Variants in SOX5 observed in about 807,000 individuals in gnomAD.
The protein encoded by SOX5 is SRY-box transcription factor 5, also known as transcription factor SOX-5.
Under a neutral mutation model 92.0 loss-of-function variants are expected in SOX5, and 9 were observed. The observed-to-expected ratio is 0.10, with a 90% CI of 0.06 to 0.17. SOX5 has a LOEUF of 0.17. SOX5 is among the 10% of genes least tolerant of loss of function. The pLI, the probability that SOX5 is intolerant of heterozygous loss-of-function variation, is 1.00. For synonymous variants in SOX5, 344 were observed against 336.3 expected, an observed-to-expected ratio of 1.02 and a Z score of -0.25; for missense variants, 642 against 944.5, an observed-to-expected ratio of 0.68 and a Z score of 4.20.
At chr12:23,770,278 C>T (rs2094889087) in intron 3 of SOX5, among the ~76,000 whole-genome samples, 3 of 151,894 alleles carry the variant, frequency 2.0e-5, no homozygotes, top group South Asian at 2.1e-4. Context: ...TAGGCTCACC[C>T]CCATTACCCC....
intron 11 of SOX5, among the ~76,000 whole-genome samples, chr12:23,561,725 G>C (rs1946233962): frequency 6.6e-6 from 1 of 151,840 alleles, no homozygotes; most frequent in Admixed American, 6.6e-5. Flanking sequence ...TGTCCAAAAG[G>C]ATTTGGTCGG....
chr12:23,654,905 C>T (rs1566746706), intron 7 of SOX5, among the ~76,000 whole-genome samples: 1 of 151,838 alleles, frequency 6.6e-6, no homozygotes, highest in South Asian at 2.1e-4. Flanking sequence ...TAAAATAAGA[C>T]AATATAAGGT....
In SOX5 at chr12:24,148,359, G is replaced by A. The variant is rs545002611; in HGVS notation, c.-2+64984C>T. Among the ~76,000 whole-genome samples, 6 of 151,888 alleles carry A rather than the reference G, an allele frequency of 4.0e-5. No individual in the cohort carries two copies. In the East Asian group the frequency reaches 1.2e-3, roughly 30 times the overall value. ...AAAATACAAAAATTAGCTGGGTGTG[G>A]TGATGTGCACCTGTAATCCCAGCTA... On this transcript the variant is annotated intron_variant, in intron 4 of 4. Transcript: ENST00000446891.
intron 1 of SOX5, among the ~76,000 whole-genome samples, chr12:24,522,384 T>C (rs763547463): frequency 1.3e-5 from 2 of 151,820 alleles, no homozygotes; most frequent in African/African-American, 4.8e-5. Context: ...TTCCAAAAAA[T>C]TGAAAAGGAG....
intron 4 of SOX5, among the ~76,000 whole-genome samples, chr12:24,086,276 A>T (rs2137689383): frequency 6.6e-6 from 1 of 152,040 alleles, no homozygotes; most frequent in East Asian, 1.9e-4. Flanking sequence ...AAGTATAATA[A>T]GTACCTACCC....
rs1206365400 is a variant in SOX5 at position 23,642,858 on chromosome 12, C to T, written c.932-1961G>A. 2.2e-4 allele frequency among the ~76,000 whole-genome samples: 25 copies of T among 111,252 alleles called. 2 individuals are homozygous for T. The highest frequency in any genetic ancestry group is 3.6e-4 in the South Asian group (1 of 2,792). 73.0% of individuals were successfully genotyped at this position (111,252 alleles called of 152,430 possible). On this transcript the variant is annotated intron_variant, in intron 7 of 14. Coordinates refer to ENST00000451604, the MANE Select transcript of SOX5 (RefSeq NM_006940.6). ...ATCCCAGCACTTTGGGAGGCCGAGG[C>T]GGGCGGATCACGAGGTCAGGAGATC...
intron 1 of SOX5, among the ~76,000 whole-genome samples, chr12:24,505,357 A>G (rs1948615450): frequency 6.6e-6 from 1 of 152,222 alleles, no homozygotes; most frequent in Non-Finnish European, 1.5e-5. Flanking sequence ...GAAAACGATC[A>G]ATGTAAGAGA....
At chr12:24,523,189 A>C (rs898587315) in intron 1 of SOX5, among the ~76,000 whole-genome samples, 12 of 152,192 alleles carry the variant, frequency 7.9e-5, no homozygotes, top group Admixed American at 7.9e-4. Flanking sequence ...TTAAATAAGG[A>C]GGTAAAAGAC....
At chr12:24,039,486 T>C (rs921792095) in intron 4 of SOX5, among the ~76,000 whole-genome samples, 7 of 152,158 alleles carry the variant, frequency 4.6e-5, no homozygotes, top group African/African-American at 1.7e-4. Context: ...CTCTGCAGCA[T>C]TGTTGCAACC....
chr12:24,381,161 G>A (rs1487555842), intron 1 of SOX5, among the ~76,000 whole-genome samples: 2 of 152,100 alleles, frequency 1.3e-5, no homozygotes, highest in Non-Finnish European at 2.9e-5. Flanking sequence ...CGCCAGACAC[G>A]GCTGCAGATC....
intron 6 of SOX5, among the ~76,000 whole-genome samples, chr12:23,701,299 A>G (rs1334493181): frequency 6.6e-6 from 1 of 152,148 alleles, no homozygotes; most frequent in Admixed American, 6.6e-5. Context: ...TAGTTTATCA[A>G]GAAATCATAC....
chr12:24,091,578 C>A (rs186891164), intron 4 of SOX5, among the ~76,000 whole-genome samples: 1 of 151,956 alleles, frequency 6.6e-6, no homozygotes, highest in Admixed American at 6.6e-5. Flanking sequence ...TACAGGCACA[C>A]ACCACCACAC....
At chr12:24,261,508 C>T (rs1942081610) in intron 3 of SOX5, among the ~76,000 whole-genome samples, 1 of 152,174 alleles carries the variant, frequency 6.6e-6, no homozygotes, top group Non-Finnish European at 1.5e-5. Flanking sequence ...CCCAAAGCCA[C>T]ACCACACCAC....
chr12:23,735,079 C>A (rs963778722), intron 5 of SOX5, among the ~76,000 whole-genome samples: 3 of 152,108 alleles, frequency 2.0e-5, no homozygotes, highest in Admixed American at 6.5e-5. Flanking sequence ...CATTTTCAGC[C>A]CTTTTCTATA....
At chr12:23,830,126 C>T (rs181260422) in intron 3 of SOX5, among the ~76,000 whole-genome samples, 382 of 152,288 alleles carry the variant, frequency 2.5e-3, no homozygotes, top group Middle Eastern at 0.01. Context: ...GAACAAGTTT[C>T]GCTTCAGTGT....
At chr12:23,937,319 C>T (rs1942792265) in intron 1 of SOX5, among the ~76,000 whole-genome samples, 1 of 150,906 alleles carries the variant, frequency 6.6e-6, no homozygotes, top group African/African-American at 2.4e-5. Flanking sequence ...TACCAATACT[C>T]TTCTATTGAG....
intron 1 of SOX5, among the ~76,000 whole-genome samples, chr12:23,937,810 C>T (rs919579449): frequency 6.6e-6 from 1 of 150,896 alleles, no homozygotes; most frequent in African/African-American, 2.4e-5. Context: ...TGAAGAAAAT[C>T]ATTGGTTATA....
intron 4 of SOX5, among the ~76,000 whole-genome samples, chr12:24,167,855 CAGAAGGGCA>C (rs1003923700): frequency 6.6e-6 from 1 of 152,146 alleles, no homozygotes; most frequent in Non-Finnish European, 1.5e-5. Context: ...CCCCAGTTTG[CAGAAGGGCA>C]AGGTGGGGCT....
intron 1 of SOX5, among the ~76,000 whole-genome samples, chr12:24,479,274 C>T (rs1198627020): frequency 6.6e-6 from 1 of 152,188 alleles, no homozygotes; most frequent in Non-Finnish European, 1.5e-5. Context: ...GAAGTATGCA[C>T]AGTAATTAAC....
Sources: allele counts gnomAD v4.1 joint callset (sites outside exome capture counted in the v4.1 genomes callset), GRCh38; gene constraint gnomAD v4.1.1; transcripts MANE v1.5; gene names NCBI Gene and HGNC (gene_info 2026-07-23, HGNC 2026-07-21).